Variants in PRSS23 observed in about 807,000 individuals in gnomAD.
The protein encoded by PRSS23 is protease, serine 23.
In PRSS23, 25 loss-of-function variants were observed where a neutral mutation model predicts 34.7. That is an observed-to-expected ratio of 0.72 (90% CI 0.53 to 1.01). PRSS23 has a LOEUF of 1.01. PRSS23 is among the 50% of genes least tolerant of loss of function. The pLI is 0.00. For synonymous variants in PRSS23, 176 were observed against 186.6 expected, an observed-to-expected ratio of 0.94 and a Z score of 0.46; for missense variants, 445 against 475.6, an observed-to-expected ratio of 0.94 and a Z score of 0.60.
intron 2 of PRSS23, among the ~76,000 whole-genome samples, chr11:86,904,683 C>T (rs1385840108): frequency 6.6e-6 from 1 of 152,138 alleles, no homozygotes; most frequent in Non-Finnish European, 1.5e-5. Flanking sequence ...TTACACTAAA[C>T]TCTGCCATTG....
downstream of PRSS23, among the ~76,000 whole-genome samples, chr11:86,815,131 G>A (rs1948206260): frequency 6.6e-6 from 1 of 152,170 alleles, no homozygotes. Flanking sequence ...AGAACAAGGG[G>A]CTAGAATCCA....
chr11:86,928,246 T>C (rs1011886608), intron 2 of PRSS23, among the ~76,000 whole-genome samples: 2 of 148,132 alleles, frequency 1.4e-5, no homozygotes, highest in East Asian at 3.9e-4. Flanking sequence ...TAAGTATATG[T>C]ATTTATTATA....
intron 2 of PRSS23, among the ~76,000 whole-genome samples, chr11:86,861,667 A>G (rs888070423): frequency 2.0e-5 from 3 of 149,192 alleles, no homozygotes; most frequent in African/African-American, 5.0e-5. Context: ...ACACCCCCCT[A>G]TGATATTTTT....
intron 2 of PRSS23, chr11:86,892,239 A>G (rs1948846707): frequency 1.3e-5 from 2 of 152,258 alleles, no homozygotes; most frequent in Admixed American, 1.3e-4. Flanking sequence ...TCTCTTTCCG[A>G]AAGAGAATTC....
intron 2 of PRSS23, among the ~76,000 whole-genome samples, chr11:86,871,424 T>C (rs372595342): frequency 3.9e-5 from 6 of 152,324 alleles, no homozygotes; most frequent in African/African-American, 1.4e-4. Flanking sequence ...ACCCTGCATA[T>C]ATGCAGCTTA....
chr11:86,841,675 A>C (rs1365547213), intron 2 of PRSS23, among the ~76,000 whole-genome samples: 13 of 152,232 alleles, frequency 8.5e-5, no homozygotes, highest in Non-Finnish European at 1.2e-4. Flanking sequence ...ATAAACTAGA[A>C]ATCTAGAAGA....
chr11:86,873,126 T>A (rs1948696111), intron 2 of PRSS23, among the ~76,000 whole-genome samples: 1 of 151,548 alleles, frequency 6.6e-6, no homozygotes, highest in East Asian at 1.9e-4. Context: ...TCTGTCCATT[T>A]GAGAATAGTT....
intron 2 of PRSS23, among the ~76,000 whole-genome samples, chr11:86,893,159 T>C (rs1300579551): frequency 6.6e-6 from 1 of 152,156 alleles, no homozygotes; most frequent in Non-Finnish European, 1.5e-5. Context: ...ATTCACTAAT[T>C]CACTAGAAGT....
At chr11:86,952,579 C>G in exon 3 of PRSS23, 2 of 1,210,964 alleles carry the variant, frequency 1.7e-6, no homozygotes, top group Non-Finnish European at 2.4e-6. Flanking sequence ...TAGGTATCTA[C>G]TTTTAAACCA....
chr11:86,820,752 A>G (rs1442547669), intron 1 of PRSS23, among the ~76,000 whole-genome samples: 1 of 152,240 alleles, frequency 6.6e-6, no homozygotes. Context: ...TGAAACAAAG[A>G]AAAACATTTC....
At chr11:86,934,814 T>A (rs1395626097) in intron 2 of PRSS23, 1 of 152,200 alleles carries the variant, frequency 6.6e-6, no homozygotes, top group Non-Finnish European at 1.5e-5. Context: ...AGCTCATGCA[T>A]GGGAGGATTT....
chr11:86,864,189 G>A (rs1948634715), intron 2 of PRSS23, among the ~76,000 whole-genome samples: 4 of 151,922 alleles, frequency 2.6e-5, no homozygotes, highest in Admixed American at 2.0e-4. Flanking sequence ...TACACACACT[G>A]TATAGCCCAT....
At chr11:86,819,812 G>C (rs1948240308) in intron 1 of PRSS23, among the ~76,000 whole-genome samples, 1 of 152,106 alleles carries the variant, frequency 6.6e-6, no homozygotes, top group African/African-American at 2.4e-5. Context: ...AATATAAAAA[G>C]TTCCTCATGT....
At chr11:86,813,795 C>G (rs1044653554), downstream of PRSS23, among the ~76,000 whole-genome samples, 56 of 152,240 alleles carry the variant, frequency 3.7e-4, no homozygotes, top group African/African-American at 1.3e-3. Flanking sequence ...AGCCCTGAAA[C>G]TCATTCATAT....
chr11:86,818,621 C>T lies in PRSS23; in HGVS notation c.-11-4756C>T, dbSNP rs117466729. 1.2e-3 allele frequency among the ~76,000 whole-genome samples: 188 copies of T among 152,348 alleles called. 1 individual carries two copies. The highest frequency in any genetic ancestry group is 2.3e-3 in the Admixed American group (35 of 15,300). On this transcript the variant is annotated intron_variant, in intron 1 of 2. Transcript: ENST00000533902. ...TAAAAAAAATCTTTCCCCGAGGCAT[C>T]TTCTTTGCCAACTGGACTGACTTTT... is the stretch of plus-strand genomic sequence containing the variant.
chr11:86,804,641 A>G (rs935347902), intron 1 of PRSS23, among the ~76,000 whole-genome samples: 2 of 152,218 alleles, frequency 1.3e-5, no homozygotes, highest in Non-Finnish European at 2.9e-5. Flanking sequence ...CTAAATGAAC[A>G]GAATTCAAGT....
At chr11:86,792,734 A>G (rs2135588103) in intron 1 of PRSS23, among the ~76,000 whole-genome samples, 1 of 152,356 alleles carries the variant, frequency 6.6e-6, no homozygotes, top group East Asian at 1.9e-4. Flanking sequence ...TGAAAAATGG[A>G]CAGAATGTAG....
intron 2 of PRSS23, among the ~76,000 whole-genome samples, chr11:86,849,321 C>T (rs115733321): frequency 7.2e-5 from 11 of 152,172 alleles, no homozygotes; most frequent in Admixed American, 1.3e-4. Flanking sequence ...TTTCTTGTTA[C>T]GCCCAAAAGT....
At chr11:86,801,609 G>T (rs1387002754) in intron 1 of PRSS23, among the ~76,000 whole-genome samples, 1 of 152,208 alleles carries the variant, frequency 6.6e-6, no homozygotes, top group Non-Finnish European at 1.5e-5. Context: ...ATGTGAGAAA[G>T]AATTGAATTT....
Sources: gnomAD v4.1 joint callset for allele counts (sites outside exome capture counted in the v4.1 genomes callset) on GRCh38, gnomAD v4.1.1 for gene constraint, MANE v1.5 for transcripts, NCBI Gene and HGNC (gene_info 2026-07-23, HGNC 2026-07-21) for gene names.